Variants in SLC45A3 observed in about 807,000 individuals in gnomAD.
SLC45A3 encodes prostate cancer associated protein 2.
Under a neutral mutation model 35.3 loss-of-function variants are expected in SLC45A3, and 17 were observed. The ratio of observed to expected loss-of-function variants is 0.48; its 90% CI spans 0.33 to 0.72. The LOEUF is 0.72. Among genes scored for constraint, SLC45A3 ranks in the 30% least tolerant of loss-of-function variants. SLC45A3 has a pLI of 0.02. For synonymous variants in SLC45A3, 288 were observed against 334.3 expected (o/e 0.86, Z 1.51); for missense variants, 597 against 731.7 (o/e 0.82, Z 2.12).
At chr1:205,661,829 C>T in intron 4 of SLC45A3, 32 bp downstream of exon 4, 8 of 1,592,470 alleles carry the variant, frequency 5.0e-6, no homozygotes, top group African/African-American at 1.3e-5. Flanking sequence ...CCACCCCTCC[C>T]ACCCTGACTC....
chr1:205,673,888 C>A (rs1671255793), intron 1 of SLC45A3, among the ~76,000 whole-genome samples: 1 of 152,228 alleles, frequency 6.6e-6, no homozygotes, highest in Non-Finnish European at 1.5e-5. Flanking sequence ...TGCAACCTAA[C>A]CTCCCCTAAG....
At position 205,663,086 on chromosome 1, in the gene SLC45A3, G is replaced by A. The variant is rs1054633334; in HGVS notation, c.705C>T (p.Pro235=). ...PTEPAEGLSA[P]SLSPHCCPCR... ...ATGGACAGCAGTGGGGCGACAAGGA[G>A]GGGGCCGACAGCCCTTCTGCTGGCT... is the stretch of plus-strand genomic sequence containing the variant. The change falls in exon 3 of 5, where the codon CCC becomes CCT. Residue 235 remains proline, a synonymous_variant. Transcript: ENST00000367145. 2 of 1,604,020 alleles carry A rather than the reference G, an allele frequency of 1.2e-6. No individual in the cohort carries two copies. The highest frequency in any genetic ancestry group is 2.7e-5 in the African/African-American group (2 of 74,762).
chr1:205,674,249 G>A (rs936542490), intron 1 of SLC45A3, among the ~76,000 whole-genome samples: 3 of 141,076 alleles, frequency 2.1e-5, no homozygotes, highest in African/African-American at 7.4e-5. Flanking sequence ...CTATCATAAA[G>A]GTCAGAACTG....
chr1:205,670,488 C>A (rs1364539560), intron 1 of SLC45A3, among the ~76,000 whole-genome samples: 2 of 152,206 alleles, frequency 1.3e-5, no homozygotes, highest in East Asian at 3.9e-4. Context: ...GAAGCCCCCC[C>A]ACCTCAGGGA....
rs1671080328 is a variant in SLC45A3, at chr1:205,664,320, T to G, written c.172+165A>C. ...GGGTATGTCCTTGGTATTCTCTTCT[T>G]TCTCTTGGTGTGCCCCCTCAGCCCA... On this transcript the variant is annotated intron_variant, in intron 2 of 4. Coordinates refer to ENST00000367145, the MANE Select transcript of SLC45A3 (RefSeq NM_033102.3). This position sits in a 1 kb window ranked among gnomAD's most constrained non-coding sequence, Gnocchi z 5.3. Among the ~76,000 whole-genome samples the G allele has an allele frequency of 6.6e-6, 1 of 152,068 alleles. No individual in the cohort carries two copies. Among genetic ancestry groups the G allele is most frequent in the Non-Finnish European group, 1.5e-5 (1 of 68,012 alleles).
intron 1 of SLC45A3, among the ~76,000 whole-genome samples, chr1:205,674,198 G>A (rs574965538): frequency 1.7e-4 from 24 of 144,670 alleles, no homozygotes; most frequent in African/African-American, 5.6e-4. Flanking sequence ...TAGGTACCAC[G>A]CAATATAGGG....
At position 205,662,559 on chromosome 1, in the gene SLC45A3, T is replaced by A; in HGVS notation, c.958+274A>T. ...TGAAATCCAGCCTTAACTCCTCCAC[T>A]CCCTCTAGACTTTGAATAAGCTCCG... is the stretch of plus-strand genomic sequence containing the variant. On this transcript the variant is annotated intron_variant, in intron 3 of 4. Coordinates refer to ENST00000367145, the MANE Select transcript of SLC45A3 (RefSeq NM_033102.3). This position sits in a 1 kb window ranked among gnomAD's most constrained non-coding sequence, Gnocchi z 6.2. 3.0e-6 allele frequency: 4 copies of A among 1,313,482 alleles called. No homozygotes were observed. The South Asian group carries it at 9.6e-5, about 31-fold the overall frequency. The allele number at this position is 1,313,482 out of a possible 1,614,324, so 81.4% of individuals were successfully genotyped here. A position where few individuals can be genotyped will look rare whatever the true frequency, so the allele number is the denominator to read the frequency against.
intron 1 of SLC45A3, among the ~76,000 whole-genome samples, chr1:205,678,528 G>C (rs188130161): frequency 1.3e-5 from 2 of 152,132 alleles, no homozygotes; most frequent in African/African-American, 4.8e-5. Context: ...GCCTGGAATG[G>C]GCTCAGGAGA....
At position 205,664,679 on chromosome 1, in the gene SLC45A3, CAG is replaced by C. The variant is rs767646784; in HGVS notation, c.-25_-24del. The C allele has an allele frequency of 1.2e-6, 2 of 1,612,408 alleles. No individual in the cohort carries two copies. Among genetic ancestry groups the C allele is most frequent in the Admixed American group, 1.7e-5 (1 of 59,814 alleles). On this transcript the variant is annotated 5_prime_UTR_variant, in exon 2 of 5. Transcript: ENST00000367145. The surrounding 1 kb of genome is among the most constrained non-coding windows in gnomAD (Gnocchi z 5.3). ...CATAGTGGGCCAGGCGGGTAGGGCT[CAG>C]GGGGCCGTTCAGGCACTCCAGAACT...
Position 205,658,925 on chromosome 1 carries a change from A to T in SLC45A3, c.*309T>A. On this transcript the variant is annotated 3_prime_UTR_variant, in exon 5 of 5. Coordinates refer to ENST00000367145, the MANE Select transcript of SLC45A3 (RefSeq NM_033102.3). ...CTAGCTGTTAACCCTGAGCCTGGGT[A>T]ATCCACCTGCAGAGTCCCCGCATTC... is the stretch of plus-strand genomic sequence containing the variant. The T allele has an allele frequency of 5.6e-6, 2 of 354,096 alleles. No individual in the cohort carries two copies. The highest frequency in any genetic ancestry group is 8.9e-5 in the East Asian group (2 of 22,466). The allele number at this position is 354,096 out of a possible 1,614,324, so 21.9% of individuals were successfully genotyped here.
At chr1:205,670,676 G>C (rs1357831527) in intron 1 of SLC45A3, among the ~76,000 whole-genome samples, 1 of 152,218 alleles carries the variant, frequency 6.6e-6, no homozygotes, top group Non-Finnish European at 1.5e-5. Flanking sequence ...TGTCAGAGAG[G>C]GTGAGGGGGC....
At position 205,658,516 on chromosome 1, in the gene SLC45A3, A is replaced by C. The variant is rs749540458; in HGVS notation, c.*718T>G. ...CCCCCACCCTACCCAAATATTAGACACCAACACAGAAAAGCTAGCAATGGA... is the reference window on the plus strand; with the variant it reads ...CCCCCACCCTACCCAAATATTAGACCCCAACACAGAAAAGCTAGCAATGGA... On this transcript the variant is annotated 3_prime_UTR_variant, in exon 5 of 5. Transcript: ENST00000367145. 8 of 232,988 alleles carry C rather than the reference A, an allele frequency of 3.4e-5. No individual in the cohort carries two copies. The highest frequency in any genetic ancestry group is 6.8e-5 in the Non-Finnish European group (8 of 117,898). The allele number at this position is 232,988 out of a possible 1,614,324, so 14.4% of individuals were successfully genotyped here. A position where few individuals can be genotyped will look rare whatever the true frequency, so the allele number is the denominator to read the frequency against.
intron 1 of SLC45A3, among the ~76,000 whole-genome samples, chr1:205,667,460 T>C (rs1466028228): frequency 1.3e-5 from 2 of 151,748 alleles, no homozygotes; most frequent in African/African-American, 4.9e-5. Flanking sequence ...TGAGCCGAGA[T>C]TGTGCCACTG....
At chr1:205,674,867 C>T (rs1163464112) in intron 1 of SLC45A3, among the ~76,000 whole-genome samples, 3 of 152,034 alleles carry the variant, frequency 2.0e-5, no homozygotes, top group South Asian at 2.1e-4. Context: ...AGGCGTGTGT[C>T]ACCACGCCAG....
At chr1:205,679,416 A>G (rs1359832646) in intron 1 of SLC45A3, among the ~76,000 whole-genome samples, 2 of 152,080 alleles carry the variant, frequency 1.3e-5, no homozygotes, top group Non-Finnish European at 2.9e-5. Context: ...AACTCACAGG[A>G]CTGCAGTGCC....
chr1:205,673,242 A>G (rs1396662783), intron 1 of SLC45A3, among the ~76,000 whole-genome samples: 2 of 152,124 alleles, frequency 1.3e-5, no homozygotes, highest in African/African-American at 4.8e-5. Flanking sequence ...TTGGGCCACA[A>G]TAAATGCTTC....
intron 1 of SLC45A3, among the ~76,000 whole-genome samples, chr1:205,677,895 A>T (rs1338973410): frequency 2.0e-5 from 3 of 152,206 alleles, no homozygotes; most frequent in Non-Finnish European, 4.4e-5. Flanking sequence ...GTCTGTTATA[A>T]TCTACTTAAC....
intron 4 of SLC45A3, among the ~76,000 whole-genome samples, chr1:205,660,218 T>C (rs1029807392): frequency 2.0e-5 from 3 of 152,022 alleles, no homozygotes; most frequent in Non-Finnish European, 4.4e-5. Context: ...ATGAGCTCCC[T>C]TGTCCCCAGC....
Position 205,664,618 on chromosome 1 carries a change from G to A in SLC45A3, c.39C>T (p.His13=). Reference sequence around the variant, plus strand: ...TGACCAGCAAGAGCTGGGCTTTCCGGTGCCGCAGCAGGCGGCTCACCCACA... The same window carrying A: ...TGACCAGCAAGAGCTGGGCTTTCCGATGCCGCAGCAGGCGGCTCACCCACA... ...QRLWVSRLLR[H]RKAQLLLVNL... The change falls in exon 2 of 5, where the codon CAC becomes CAT. Residue 13 remains histidine (H), a synonymous_variant. Coordinates refer to ENST00000367145, the MANE Select transcript of SLC45A3 (RefSeq NM_033102.3). This position sits in a 1 kb window ranked among gnomAD's most constrained non-coding sequence, Gnocchi z 5.3. 1 of 1,614,260 alleles carries A rather than the reference G, an allele frequency of 6.2e-7. No individual in the cohort carries two copies. The highest frequency in any genetic ancestry group is 8.5e-7 in the Non-Finnish European group (1 of 1,180,042).
Sources: gnomAD v4.1 joint callset for allele counts (sites outside exome capture counted in the v4.1 genomes callset) on GRCh38, gnomAD v4.1.1 for gene constraint, Gnocchi (gnomAD v3.1) non-coding constraint, MANE v1.5 for transcripts, NCBI Gene and HGNC (gene_info 2026-07-23, HGNC 2026-07-21) for gene names.